Variants in ABHD2 observed in about 807,000 individuals in gnomAD.
ABHD2 encodes abhydrolase domain containing 2, acylglycerol lipase.
In ABHD2, 20 loss-of-function variants were observed where a neutral mutation model predicts 48.1. That is an observed-to-expected ratio of 0.42 (90% confidence interval 0.29 to 0.60). The LOEUF is 0.60. ABHD2 is among the 20% of genes least tolerant of loss of function. ABHD2 has a pLI of 0.24. For synonymous variants in ABHD2, 209 were observed against 214.2 expected, an observed-to-expected ratio of 0.98 and a Z score of 0.21; for missense variants, 405 against 550.9, an observed-to-expected ratio of 0.74 and a Z score of 2.65.
At chr15:89,074,718 A>G in the ABHD2 span, among the ~76,000 whole-genome samples, 1 of 151,924 alleles carries the variant, frequency 6.6e-6, no homozygotes, top group East Asian at 1.9e-4. Context: ...CCTGTCTCCA[A>G]CCCCTCCCCA....
Position 89,175,675 on chromosome 15 carries a change from A to G in ABHD2, c.539-137A>G. 5 of 892,966 alleles carry G rather than the reference A, an allele frequency of 5.6e-6. No individual in the cohort carries two copies. Among genetic ancestry groups the G allele is most frequent in the Non-Finnish European group, 8.5e-6 (5 of 585,764 alleles). 55.3% of individuals were successfully genotyped at this position (892,966 alleles called of 1,614,324 possible). ...TCTCTCTCCACACACATCCCCCGAC[A>G]CACACACGTATATATACACATATAT... On this transcript the variant is annotated intron_variant, in intron 5 of 10. Transcript: ENST00000352732. The surrounding 1 kb of genome is among the most constrained non-coding windows in gnomAD (Gnocchi z 5.7).
chr15:89,123,974 C>G (rs1455989143), intron 3 of ABHD2, among the ~76,000 whole-genome samples: 1 of 152,178 alleles, frequency 6.6e-6, no homozygotes, highest in Non-Finnish European at 1.5e-5. Context: ...TACCAACTCC[C>G]TCTCTATTGC....
At chr15:89,081,308 C>G in the ABHD2 span, among the ~76,000 whole-genome samples, 1 of 151,638 alleles carries the variant, frequency 6.6e-6, no homozygotes, top group Non-Finnish European at 1.5e-5. Context: ...GCATGAGCCA[C>G]TGCACCGGCC....
At chr15:89,147,370 T>C (rs112821330) in intron 3 of ABHD2, among the ~76,000 whole-genome samples, 1 of 148,826 alleles carries the variant, frequency 6.7e-6, no homozygotes, top group Non-Finnish European at 1.5e-5. Flanking sequence ...TTTTTTTTTT[T>C]TGAGACAGAG....
rs911019665 is a variant in ABHD2, at chr15:89,166,152, T to C, written c.539-9660T>C. 2.0e-5 allele frequency among the ~76,000 whole-genome samples: 3 copies of C among 152,218 alleles called. No homozygotes were observed. Among genetic ancestry groups the C allele is most frequent in the African/African-American group, 7.2e-5 (3 of 41,454 alleles). The stretch of plus-strand genomic sequence containing the variant: ...AAATAGGATTAAAAACAATATCTTC[T>C]ATGTCAAGTGAAAGGAATAAAAATA... On this transcript the variant is annotated intron_variant, in intron 5 of 10. Coordinates refer to ENST00000352732, the MANE Select transcript of ABHD2 (RefSeq NM_152924.5). This position sits in a 1 kb window ranked among gnomAD's most constrained non-coding sequence, Gnocchi z 4.6.
chr15:89,159,846 G>A (rs1361401177), intron 5 of ABHD2, among the ~76,000 whole-genome samples: 1 of 152,080 alleles, frequency 6.6e-6, no homozygotes, highest in Non-Finnish European at 1.5e-5. Context: ...CTTTAGAAAT[G>A]TTCTAGAAAG....
At chr15:89,156,216 G>A (rs1209509102) in intron 5 of ABHD2, among the ~76,000 whole-genome samples, 1 of 145,016 alleles carries the variant, frequency 6.9e-6, no homozygotes. Context: ...CGCCTCCTGA[G>A]TTCACTCTGT....
At chr15:89,191,627 CTTTTTTTT>C (rs57919032) in intron 9 of ABHD2, among the ~76,000 whole-genome samples, 4 of 121,744 alleles carry the variant, frequency 3.3e-5, no homozygotes, top group African/African-American at 1.2e-4. Context: ...CTATTTTTTT[CTTTTTTTT>C]TTTTTTTTTT....
chr15:89,114,505 C>T lies in ABHD2; in HGVS notation c.-7+681C>T, dbSNP rs78520142. Among the ~76,000 whole-genome samples the T allele has an allele frequency of 1.1e-4, 17 of 152,078 alleles. No individual in the cohort carries two copies. The highest frequency in any genetic ancestry group is 1.7e-4 in the African/African-American group (7 of 41,482). ...GTTTTTTGTTTTTGTTTTTTTGAGACGGCGTTTCGCTCTTGTCCCCAGGCT... is the reference window on the plus strand; with the variant it reads ...GTTTTTTGTTTTTGTTTTTTTGAGATGGCGTTTCGCTCTTGTCCCCAGGCT... On this transcript the variant is annotated intron_variant, in intron 2 of 10. Coordinates refer to ENST00000352732, the MANE Select transcript of ABHD2 (RefSeq NM_152924.5). The surrounding 1 kb of genome is among the most constrained non-coding windows in gnomAD (Gnocchi z 4.2).
chr15:89,128,219 G>C (rs2050166446), intron 3 of ABHD2, among the ~76,000 whole-genome samples: 2 of 152,156 alleles, frequency 1.3e-5, no homozygotes, highest in African/African-American at 2.4e-5. Flanking sequence ...TGACTGATGA[G>C]GTCTTCCATA....
rs1193388580 is a variant in ABHD2 at position 89,106,022 on chromosome 15, C to A, written c.-106-7703C>A. ...CAGCCGAGAGGTGGTCTTTTAAAAC[C>A]CAGAGTATTGGCCAGGTGCAGTAGC... On this transcript the variant is annotated intron_variant, in intron 1 of 10. Transcript: ENST00000352732. The surrounding 1 kb of genome is among the most constrained non-coding windows in gnomAD (Gnocchi z 4.2). 6.6e-6 allele frequency among the ~76,000 whole-genome samples: 1 copy of A among 152,112 alleles called. No homozygotes were observed. The highest frequency in any genetic ancestry group is 1.5e-5 in the Non-Finnish European group (1 of 68,012).
chr15:89,151,694 T>G lies in ABHD2; in HGVS notation c.212T>G (p.Ile71Ser). ...LLTKEYIPPL[I>S]WGKSGHIQTA... ...TTCTTTAGATACATTCCACCGTTGA[T>G]CTGGGGGAAAAGTGGACACATCCAG... is the stretch of plus-strand genomic sequence containing the variant. The change falls in exon 4 of 11, where the codon ATC (isoleucine) becomes AGC (serine). Residue 71 changes from isoleucine (I) to serine (S), a missense_variant. Physicochemically the swap from Ile to Ser is moderately radical, Grantham distance 142. Coordinates refer to ENST00000352732, the MANE Select transcript of ABHD2 (RefSeq NM_152924.5). The surrounding 1 kb of genome is among the most constrained non-coding windows in gnomAD (Gnocchi z 4.7). The G allele has an allele frequency of 6.2e-7, 1 of 1,614,050 alleles. No homozygotes were observed. The highest frequency in any genetic ancestry group is 8.5e-7 in the Non-Finnish European group (1 of 1,179,946).
At position 89,174,435 on chromosome 15, in the gene ABHD2, C is replaced by A. The variant is rs996430664; in HGVS notation, c.539-1377C>A. 1.3e-5 allele frequency among the ~76,000 whole-genome samples: 2 copies of A among 152,206 alleles called. No individual in the cohort carries two copies. The highest frequency in any genetic ancestry group is 6.5e-5 in the Admixed American group (1 of 15,284). On this transcript the variant is annotated intron_variant, in intron 5 of 10. Transcript: ENST00000352732. The surrounding 1 kb of genome is among the most constrained non-coding windows in gnomAD (Gnocchi z 4.1). ...GGCCCAGGAATGGTCATTTCTAACACCCTCTCCAGGTGATTCTATGCACAC... is the reference window on the plus strand; with the variant it reads ...GGCCCAGGAATGGTCATTTCTAACAACCTCTCCAGGTGATTCTATGCACAC...
At chr15:89,139,089 T>A (rs1293930465) in intron 3 of ABHD2, among the ~76,000 whole-genome samples, 1 of 152,088 alleles carries the variant, frequency 6.6e-6, no homozygotes, top group South Asian at 2.1e-4. Context: ...CATGTGCCTG[T>A]GGTCCCAGCT....
chr15:89,145,475 A>G (rs1390251437), intron 3 of ABHD2, among the ~76,000 whole-genome samples: 1 of 152,216 alleles, frequency 6.6e-6, no homozygotes, highest in African/African-American at 2.4e-5. Flanking sequence ...GGACAGAAAG[A>G]TGAGCCTTCA....
chr15:89,165,058 C>T (rs2150910756), intron 5 of ABHD2, among the ~76,000 whole-genome samples: 1 of 152,348 alleles, frequency 6.6e-6, no homozygotes, highest in Non-Finnish European at 1.5e-5. Context: ...TCTTTGAGCT[C>T]AGTCTGAGTT....
chr15:89,082,790 A>C (rs1193153718), upstream of ABHD2: 1 of 152,220 alleles, frequency 6.6e-6, no homozygotes, highest in African/African-American at 2.4e-5. The surrounding 1 kb of genome is among the most constrained non-coding windows in gnomAD (Gnocchi z 4.4). Context: ...ACTGTCTTGT[A>C]AATTAATTTA....
intron 2 of ABHD2, among the ~76,000 whole-genome samples, chr15:89,115,678 C>A (rs566580739): frequency 1.3e-5 from 2 of 152,284 alleles, no homozygotes; most frequent in East Asian, 3.9e-4. Context: ...AGGATCGCTG[C>A]GACCTGGGCT....
the ABHD2 span, among the ~76,000 whole-genome samples, chr15:89,064,833 A>T: frequency 0.21 from 32,360 of 151,934 alleles, 4,361 homozygotes; most frequent in East Asian, 0.36. Context: ...GTATATGTTA[A>T]GCTTCAAGAA....
Sources: gnomAD v4.1 joint callset for allele counts (sites outside exome capture counted in the v4.1 genomes callset) on GRCh38, gnomAD v4.1.1 for gene constraint, Gnocchi (gnomAD v3.1) non-coding constraint, MANE v1.5 for transcripts, NCBI Gene and HGNC (gene_info 2026-07-23, HGNC 2026-07-21) for gene names.